The following LAMC2 variants were observed in gnomAD, a reference collection of about 807,000 sequenced individuals.
The protein encoded by LAMC2 is laminin subunit gamma-2.
Under a neutral mutation model 140.2 loss-of-function variants are expected in LAMC2, and 97 were observed. That is an observed-to-expected ratio of 0.69 (90% CI 0.59 to 0.82). The LOEUF (loss-of-function observed/expected upper bound fraction) is 0.82, where lower values mean the gene tolerates loss of function less well. Among genes scored for constraint, LAMC2 ranks in the 40% least tolerant of loss-of-function variants. The pLI, the probability that LAMC2 is intolerant of heterozygous loss-of-function variation, is 0.00. For synonymous variants in LAMC2, 513 were observed against 540.2 expected (o/e 0.95, Z 0.70); for missense variants, 1,402 against 1,476.1 (o/e 0.95, Z 0.82).
In LAMC2 at chr1:183,203,085, T is replaced by C. The variant is rs1216905834; in HGVS notation, c.80-4796T>C. On this transcript the variant is annotated intron_variant, in intron 1 of 22. Coordinates refer to ENST00000264144, the MANE Select transcript of LAMC2 (RefSeq NM_005562.3). Reference sequence around the variant, plus strand: ...GCAAAGTTGAGTGCAGAGATTTGCCTGTGGACACAGCTTTGTTTCAAAAAT... The same window carrying C: ...GCAAAGTTGAGTGCAGAGATTTGCCCGTGGACACAGCTTTGTTTCAAAAAT... 2.6e-5 allele frequency among the ~76,000 whole-genome samples: 4 copies of C among 152,262 alleles called. No homozygotes were observed. The East Asian group carries it at 7.7e-4, about 29-fold the overall frequency.
intron 1 of LAMC2, among the ~76,000 whole-genome samples, chr1:183,206,041 A>G (rs113260611): frequency 2.1e-4 from 32 of 152,352 alleles, no homozygotes; most frequent in African/African-American, 7.0e-4. Context: ...GAAGGAACAT[A>G]AAATGGAAAG....
At chr1:183,197,556 G>C (rs962191399) in intron 1 of LAMC2, among the ~76,000 whole-genome samples, 2 of 151,950 alleles carry the variant, frequency 1.3e-5, no homozygotes, top group Non-Finnish European at 2.9e-5. Context: ...GGCGCCTATA[G>C]TCCCAGCTAC....
chr1:183,212,765 A>G (rs769606965), intron 2 of LAMC2, among the ~76,000 whole-genome samples: 1 of 152,178 alleles, frequency 6.6e-6, no homozygotes, highest in Admixed American at 6.5e-5. Flanking sequence ...TCTTCTCTTG[A>G]TAATTCAACC....
At chr1:183,192,675 T>A (rs1658379931) in intron 1 of LAMC2, among the ~76,000 whole-genome samples, 1 of 86,788 alleles carries the variant, frequency 1.2e-5, no homozygotes, top group Non-Finnish European at 2.1e-5. Context: ...TTTAATGTTC[T>A]TTTTCTGAGA....
rs60815834 is a variant in LAMC2, at chr1:183,195,796, C to G, written c.79+9365C>G. Among the ~76,000 whole-genome samples the G allele has an allele frequency of 5.2e-5, 4 of 77,418 alleles. No individual in the cohort carries two copies. In the South Asian group the frequency reaches 1.1e-3, roughly 22 times the overall value. 50.8% of individuals were successfully genotyped at this position (77,418 alleles called of 152,430 possible). A position where few individuals can be genotyped will look rare whatever the true frequency, so the allele number is the denominator to read the frequency against. On this transcript the variant is annotated intron_variant, in intron 1 of 22. Transcript: ENST00000264144. ...TATTCACACATTAAACAATGAAGTTCAAGGCCAGTTTAAATGATGAAGGAT... is the reference window on the plus strand; with the variant it reads ...TATTCACACATTAAACAATGAAGTTGAAGGCCAGTTTAAATGATGAAGGAT...
intron 1 of LAMC2, among the ~76,000 whole-genome samples, chr1:183,190,481 C>A (rs903624260): frequency 5.3e-5 from 8 of 151,974 alleles, no homozygotes; most frequent in African/African-American, 1.9e-4. Context: ...CGTATCATTC[C>A]TTCTCCTTGC....
chr1:183,225,556 A>T, intron 7 of LAMC2, 52 bp from the exon 8 acceptor site: 1 of 1,172,010 alleles, frequency 8.5e-7, no homozygotes, highest in Non-Finnish European at 1.3e-6. Flanking sequence ...TATAACAGGT[A>T]GGTATGTGGT....
intron 6 of LAMC2, 151 bp downstream of exon 6, chr1:183,222,362 G>A: frequency 1.2e-6 from 1 of 807,330 alleles, no homozygotes; most frequent in Non-Finnish European, 2.1e-6. Context: ...GAGAGATGGG[G>A]GCTAAGCCTG....
intron 8 of LAMC2, among the ~76,000 whole-genome samples, chr1:183,226,139 C>CTT (rs76667253): frequency 0.2 from 27,518 of 135,974 alleles, 2,975 homozygotes; most frequent in African/African-American, 0.28. Context: ...CTATTAATTC[C>CTT]TTTTTTTTTT....
intron 8 of LAMC2, among the ~76,000 whole-genome samples, chr1:183,226,369 A>G (rs1571528782): frequency 6.6e-6 from 1 of 152,270 alleles, no homozygotes; most frequent in South Asian, 2.1e-4. Context: ...GAATTATCTA[A>G]TTTAATTTTC....
At chr1:183,218,540 A>G (rs764688375) in intron 4 of LAMC2, 52 bp downstream of exon 4, 15 of 1,306,134 alleles carry the variant, frequency 1.1e-5, no homozygotes, top group Non-Finnish European at 1.4e-5. Flanking sequence ...CTTGCCAACT[A>G]GCATGAGAAT....
chr1:183,199,095 TTC>T (rs1658618740), intron 1 of LAMC2, among the ~76,000 whole-genome samples: 5 of 147,484 alleles, frequency 3.4e-5, no homozygotes, highest in Non-Finnish European at 7.4e-5. Flanking sequence ...TTGTTGGCTT[TTC>T]TTTTTTTTTT....
rs2102239389 is a variant in LAMC2 at position 183,232,351 on chromosome 1, A to G, written c.2014+8A>G. On this transcript the variant is annotated splice_region_variant and intron_variant, in intron 13 of 22. Transcript: ENST00000264144. ...ATGCCCAGATTTCAGAAGGTGATGA[A>G]GGCCAACTTCCCTTCAGACAGAAGA... The G allele has an allele frequency of 5.0e-6, 8 of 1,613,930 alleles. No homozygotes were observed. Among genetic ancestry groups the G allele is most frequent in the Middle Eastern group, 3.4e-4 (2 of 5,918 alleles).
intron 2 of LAMC2, among the ~76,000 whole-genome samples, chr1:183,212,245 C>T (rs1364833447): frequency 6.6e-6 from 1 of 152,098 alleles, no homozygotes; most frequent in African/African-American, 2.4e-5. Context: ...TTAAAAACAA[C>T]CAAATTTCAT....
chr1:183,204,962 A>G (rs1051926932), intron 1 of LAMC2, among the ~76,000 whole-genome samples: 1 of 152,138 alleles, frequency 6.6e-6, no homozygotes, highest in Non-Finnish European at 1.5e-5. Flanking sequence ...AGCTGGGATT[A>G]CAGGCACCTG....
the LAMC2 span, among the ~76,000 whole-genome samples, chr1:183,255,662 G>T: frequency 1.5e-3 from 152 of 100,932 alleles, 2 homozygotes; most frequent in African/African-American, 5.3e-3. Context: ...ATTCCTAAGG[G>T]TTTTTTTTTT....
At chr1:183,203,637 AT>A (rs896125380) in intron 1 of LAMC2, among the ~76,000 whole-genome samples, 1 of 151,294 alleles carries the variant, frequency 6.6e-6, no homozygotes, top group African/African-American at 2.4e-5. Flanking sequence ...CTCTCCCATC[AT>A]TTTCTTGGTG....
Position 183,235,690 on chromosome 1 carries a change from G to A in LAMC2, c.2416G>A (p.Gly806Ser), listed in dbSNP as rs773182543. The A allele has an allele frequency of 1.2e-6, 2 of 1,614,228 alleles. No individual in the cohort carries two copies. Among genetic ancestry groups the A allele is most frequent in the Middle Eastern group, 1.6e-4 (1 of 6,062 alleles). ...GCATGAAGGAGTCGGAAGCGGAAGC[G>A]GTAGCCCGGACGGTGCTGTGGTGCA... ...ALHEGVGSGS[G>S]SPDGAVVQGL... The change falls in exon 16 of 23, where the codon GGT becomes AGT. Residue 806 changes from glycine (G) to serine (S), a missense_variant. This residue lies in a region of LAMC2 where 670 missense variants were observed against 667.2 expected (regional missense o/e 1.00). Transcript: ENST00000264144.
chr1:183,249,732 T>TGTGTGTGTG (rs59813106), downstream of LAMC2: 3 of 114,898 alleles, frequency 2.6e-5, no homozygotes, highest in South Asian at 3.0e-4. Context: ...TGTGTGTGTG[T>TGTGTGTGTG]TTGGGGGGTA....
Sources: allele counts gnomAD v4.1 joint callset (sites outside exome capture counted in the v4.1 genomes callset), GRCh38; gene constraint gnomAD v4.1.1; regional missense constraint gnomAD v4.1.1; transcripts MANE v1.5; gene names NCBI Gene and HGNC (gene_info 2026-07-23, HGNC 2026-07-21).